DLG2: variants seen among roughly 807,000 people sequenced by gnomAD.
DLG2 encodes discs large MAGUK scaffold protein 2.
Under a neutral mutation model 132.5 loss-of-function variants are expected in DLG2, and 45 were observed. The observed-to-expected ratio is 0.34, with a 90% CI of 0.27 to 0.44. DLG2 has a LOEUF of 0.44. Among genes scored for constraint, DLG2 ranks in the 20% least tolerant of loss-of-function variants. The pLI is 1.00. For synonymous variants in DLG2, 424 were observed against 419.6 expected (o/e 1.01, Z -0.13); for missense variants, 1,045 against 1,196.9 (o/e 0.87, Z 1.87).
intron 3 of DLG2, among the ~76,000 whole-genome samples, chr11:85,465,626 G>C (rs1187739421): frequency 1.3e-5 from 2 of 152,110 alleles, no homozygotes; most frequent in Non-Finnish European, 2.9e-5. Flanking sequence ...CCTTACAAAG[G>C]ACATGAACTC....
At chr11:84,008,729 G>A (rs1027701024) in intron 11 of DLG2, among the ~76,000 whole-genome samples, 1 of 151,822 alleles carries the variant, frequency 6.6e-6, no homozygotes, top group African/African-American at 2.4e-5. Context: ...ATTGGGTAGA[G>A]GCAAAACAAG....
chr11:84,010,302 T>C (rs2094814383), intron 11 of DLG2, among the ~76,000 whole-genome samples: 1 of 150,946 alleles, frequency 6.6e-6, no homozygotes, highest in Non-Finnish European at 1.5e-5. Context: ...TGTATTATTA[T>C]TATTATTATT....
chr11:85,054,229 C>T (rs1473795267), intron 6 of DLG2, among the ~76,000 whole-genome samples: 1 of 150,952 alleles, frequency 6.6e-6, no homozygotes, highest in Non-Finnish European at 1.5e-5. Context: ...CATACCACTG[C>T]ACTCCAGCCT....
At chr11:84,974,945 A>C (rs2054654567) in intron 6 of DLG2, among the ~76,000 whole-genome samples, 1 of 152,230 alleles carries the variant, frequency 6.6e-6, no homozygotes, top group Non-Finnish European at 1.5e-5. Context: ...GATCTCCAAA[A>C]ACCTAGTGTG....
At chr11:83,838,301 T>C (rs1252412763) in intron 16 of DLG2, among the ~76,000 whole-genome samples, 1 of 152,228 alleles carries the variant, frequency 6.6e-6, no homozygotes, top group East Asian at 1.9e-4. Flanking sequence ...GGATGTTCAT[T>C]GTAACATTTT....
At chr11:83,521,357 C>A (rs759404768) in intron 21 of DLG2, among the ~76,000 whole-genome samples, 2 of 152,188 alleles carry the variant, frequency 1.3e-5, no homozygotes, top group African/African-American at 2.4e-5. Flanking sequence ...GGCAATCAAT[C>A]TAAAATTAGT....
intron 7 of DLG2, among the ~76,000 whole-genome samples, chr11:84,488,243 C>A (rs1227714176): frequency 6.6e-6 from 1 of 151,954 alleles, no homozygotes; most frequent in African/African-American, 2.4e-5. Context: ...TGTATCATAC[C>A]AATAGACGTG....
chr11:83,868,122 C>T (rs1439418274), intron 16 of DLG2, among the ~76,000 whole-genome samples: 2 of 152,174 alleles, frequency 1.3e-5, no homozygotes, highest in African/African-American at 4.8e-5. Context: ...ATTTGCTGCT[C>T]TGACAGATTC....
chr11:85,415,424 G>A (rs2089743295), intron 3 of DLG2, among the ~76,000 whole-genome samples: 1 of 152,122 alleles, frequency 6.6e-6, no homozygotes, highest in East Asian at 1.9e-4. Flanking sequence ...AGATCCTTGA[G>A]GAATTGCCAC....
At chr11:83,465,150 G>T (rs896151255) in intron 26 of DLG2, among the ~76,000 whole-genome samples, 1 of 152,094 alleles carries the variant, frequency 6.6e-6, no homozygotes, top group African/African-American at 2.4e-5. Flanking sequence ...AAATTCATGG[G>T]GCTGAAGGTA....
At chr11:84,694,647 C>T (rs573499644) in intron 6 of DLG2, among the ~76,000 whole-genome samples, 1 of 151,532 alleles carries the variant, frequency 6.6e-6, no homozygotes, top group South Asian at 2.1e-4. Context: ...GCCATAATTT[C>T]AAAAATCTTT....
At chr11:83,703,134 C>A (rs759118418) in intron 18 of DLG2, among the ~76,000 whole-genome samples, 2 of 152,156 alleles carry the variant, frequency 1.3e-5, no homozygotes, top group Non-Finnish European at 2.9e-5. Flanking sequence ...CTGGTTAAAG[C>A]CTATTTCCTC....
intron 5 of DLG2, among the ~76,000 whole-genome samples, chr11:85,142,062 A>G (rs1008821303): frequency 6.6e-6 from 1 of 151,820 alleles, no homozygotes; most frequent in African/African-American, 2.4e-5. Flanking sequence ...GTTCCATACA[A>G]ATTTTAGGAT....
chr11:85,005,041 G>A (rs778562609), intron 6 of DLG2, among the ~76,000 whole-genome samples: 21 of 152,076 alleles, frequency 1.4e-4, no homozygotes, highest in Non-Finnish European at 2.4e-4. Flanking sequence ...GGTTGTAGAT[G>A]TGTGGTGTTA....
chr11:83,854,854 C>T (rs114410897), intron 16 of DLG2, among the ~76,000 whole-genome samples: 87 of 151,544 alleles, frequency 5.7e-4, no homozygotes, highest in Middle Eastern at 6.8e-3. Flanking sequence ...TGAAAGACAA[C>T]GTCAAGAGAA....
intron 7 of DLG2, among the ~76,000 whole-genome samples, chr11:84,503,615 C>T (rs2099229005): frequency 6.6e-6 from 1 of 152,146 alleles, no homozygotes; most frequent in Admixed American, 6.5e-5. Context: ...ACCCTCATTT[C>T]CAACAAGGCA....
chr11:85,252,930 G>C (rs918002958), intron 4 of DLG2, among the ~76,000 whole-genome samples: 1 of 152,128 alleles, frequency 6.6e-6, no homozygotes, highest in Non-Finnish European at 1.5e-5. Context: ...CTAAAAGTAA[G>C]ACTGCTGGAC....
chr11:84,667,207 C>A (rs1344277635), intron 6 of DLG2, among the ~76,000 whole-genome samples: 1 of 152,032 alleles, frequency 6.6e-6, no homozygotes, highest in Non-Finnish European at 1.5e-5. Context: ...TCGCACCGGG[C>A]AGGTAAGTAA....
chr11:83,633,250 C>G lies in DLG2; in HGVS notation c.1901G>C (p.Gly634Ala), dbSNP rs1033010684. 6.2e-7 allele frequency: 1 copy of G among 1,613,560 alleles called. No individual in the cohort carries two copies. The highest frequency in any genetic ancestry group is 1.3e-5 in the African/African-American group (1 of 74,880). The change falls in exon 19 of 28, where the codon GGA becomes GCA. Residue 634 changes from glycine to alanine, a missense_variant. Transcript: ENST00000376104. ...GCGTTTCTGATTGGTTCGCAGGGAT[C>G]CGGACCCGGAGCTCATGCTGTGGTT... is the stretch of plus-strand genomic sequence containing the variant. Reference protein sequence around the residue: ...MMNHSMSSGSGSLRTNQKRSL... With the variant: ...MMNHSMSSGSASLRTNQKRSL...
Sources: allele counts gnomAD v4.1 joint callset (sites outside exome capture counted in the v4.1 genomes callset), GRCh38; gene constraint gnomAD v4.1.1; transcripts MANE v1.5; gene names NCBI Gene and HGNC (gene_info 2026-07-23, HGNC 2026-07-21).